The following LTBP3 variants were observed in gnomAD, a reference collection of about 807,000 sequenced individuals.
The protein encoded by LTBP3 is latent transforming growth factor beta binding protein 3, also known as latent-transforming growth factor beta-binding protein 3.
LTBP3 carries 97 observed loss-of-function variants against 159.7 expected under a neutral mutation model. The ratio of observed to expected loss-of-function variants is 0.61; its 90% CI spans 0.52 to 0.72. The LOEUF is 0.72. Ranked by LOEUF, LTBP3 falls within the 30% of genes least tolerant of loss-of-function variation. LTBP3 has a pLI of 0.00. For synonymous variants in LTBP3, 824 were observed against 777.1 expected, an observed-to-expected ratio of 1.06 and a Z score of -1.00; for missense variants, 1,584 against 1,864.3, an observed-to-expected ratio of 0.85 and a Z score of 2.77.
chr11:65,557,935 C>A lies in LTBP3; in HGVS notation c.25G>T (p.Gly9Cys). ...CCGCGCATCTCAGGGGCCAGGCCGC[C>A]AGCAGCCCCTCGGGGCCCGGGCATC... MPGPRGAAGGLAPEMRGAG... is the reference protein window; with the variant it reads MPGPRGAACGLAPEMRGAG... The change falls in exon 1 of 28, where the codon GGC becomes TGC. Residue 9 changes from glycine (G) to cysteine (C), a missense_variant. Gly to Cys is a radical substitution (Grantham distance 159). Transcript: ENST00000301873. 8.2e-7 allele frequency: 1 copy of A among 1,214,706 alleles called. No homozygotes were observed. The allele number at this position is 1,214,706 out of a possible 1,614,324, so 75.2% of individuals were successfully genotyped here. A position where few individuals can be genotyped will look rare whatever the true frequency, so the allele number is the denominator to read the frequency against.
chr11:65,539,106 C>A lies in LTBP3; in HGVS notation c.3886G>T (p.Ala1296Ser), dbSNP rs768130401. 6.8e-7 allele frequency: 1 copy of A among 1,462,816 alleles called. No homozygotes were observed. The highest frequency in any genetic ancestry group is 1.3e-5 in the South Asian group (1 of 78,640). 90.6% of individuals were successfully genotyped at this position (1,462,816 alleles called of 1,614,324 possible). ...CAGCGGCGGCGCTGGGGAACGCAGG[C>A]CCCGTGCGGGCGGCTGCGCGCGAAG... is the stretch of plus-strand genomic sequence containing the variant. ...AGFARSRPHG[A>S]CVPQRRR is the part of the protein sequence containing the mutation. Residue 1296 changes from alanine (A) to serine (S), a missense_variant, in exon 28 of 28, where the codon GCC (alanine) becomes TCC (serine). Physicochemically the swap from Ala to Ser is moderately conservative, Grantham distance 99. Coordinates refer to ENST00000301873, the MANE Select transcript of LTBP3 (RefSeq NM_001130144.3).
chr11:65,540,473 G>A lies in LTBP3; in HGVS notation c.3106+13C>T, dbSNP rs1443402365. On this transcript the variant is annotated intron_variant, in intron 22 of 27. Coordinates refer to ENST00000301873, the MANE Select transcript of LTBP3 (RefSeq NM_001130144.3). Reference sequence around the variant, plus strand: ...CTGCCGCTTCCCCACGGCCGCCGGGGGGCGGAGCTCACCCACGCATTCCAG... The same window carrying A: ...CTGCCGCTTCCCCACGGCCGCCGGGAGGCGGAGCTCACCCACGCATTCCAG... 6.2e-7 allele frequency: 1 copy of A among 1,613,158 alleles called. No homozygotes were observed. Among genetic ancestry groups the A allele is most frequent in the Non-Finnish European group, 8.5e-7 (1 of 1,179,738 alleles).
At position 65,539,830 on chromosome 11, in the gene LTBP3, C is replaced by T. The variant is rs926322628; in HGVS notation, c.3437G>A (p.Gly1146Asp). 3 of 1,527,428 alleles carry T rather than the reference C, an allele frequency of 2.0e-6. No individual in the cohort carries two copies. The African/African-American group carries it at 4.2e-5, about 21-fold the overall frequency. 94.6% of individuals were successfully genotyped at this position (1,527,428 alleles called of 1,614,324 possible). The change falls in exon 25 of 28, where the codon GGC (glycine) becomes GAC (aspartate). Residue 1146 changes from glycine to aspartate, a missense_variant. Coordinates refer to ENST00000301873, the MANE Select transcript of LTBP3 (RefSeq NM_001130144.3). ...CCCGGCCAGGGGGCCAGCGCACATG[C>T]CGTCCTCTCCGCGCTGGCTCCAGCA... ...DVCWSQRGED[G>D]MCAGPLAGPA...
chr11:65,548,355 C>G, intron 11 of LTBP3: 2 of 588,392 alleles, frequency 3.4e-6, no homozygotes, highest in Non-Finnish European at 6.1e-6. Flanking sequence ...CTCAGGGCCC[C>G]TCAGTCGTCC....
rs140563368 is a variant in LTBP3, at chr11:65,542,931, A to AGGATGGATGGATGGAT, written c.2596+158_2596+173dup. The AGGATGGATGGATGGAT allele has an allele frequency of 2.1e-4, 173 of 817,740 alleles. 3 individuals are homozygous for AGGATGGATGGATGGAT. Among genetic ancestry groups the AGGATGGATGGATGGAT allele is most frequent in the African/African-American group, 1.9e-3 (102 of 55,026 alleles). The allele number at this position is 817,740 out of a possible 1,614,324, so 50.7% of individuals were successfully genotyped here. A position where few individuals can be genotyped will look rare whatever the true frequency, so the allele number is the denominator to read the frequency against. ...ATGAATGGAAGGATGGATGGATAGAAGGATGGATGGATGGATGGATGGATG... is the reference window on the plus strand; with the variant it reads ...ATGAATGGAAGGATGGATGGATAGAAGGATGGATGGATGGATGGATGGATGGATGGATGGATGGATG... On this transcript the variant is annotated intron_variant, in intron 18 of 27. Coordinates refer to ENST00000301873, the MANE Select transcript of LTBP3 (RefSeq NM_001130144.3).
At position 65,553,769 on chromosome 11, in the gene LTBP3, A is replaced by AGGGCTTGGGGTGCGG. The variant is rs1856700803; in HGVS notation, c.781_795dup (p.Pro261_Pro265dup). 1 of 1,570,746 alleles carries AGGGCTTGGGGTGCGG rather than the reference A, an allele frequency of 6.4e-7. No individual in the cohort carries two copies. The highest frequency in any genetic ancestry group is 8.6e-7 in the Non-Finnish European group (1 of 1,166,350). ...TTCTGGGTGGGCGGCCGGGGGTGCG[A>AGGGCTTGGGGTGCGG]GGGCTTGGGGTGCGGCAGCAGGTGC... On this transcript the variant is annotated inframe_insertion, in exon 3 of 28. Transcript: ENST00000301873. This position sits in a 1 kb window ranked among gnomAD's most constrained non-coding sequence, Gnocchi z 6.5.
rs1362034320 is a variant in LTBP3, at chr11:65,547,506, G to A, written c.2040C>T (p.Pro680=). 2.5e-6 allele frequency: 4 copies of A among 1,614,002 alleles called. No individual in the cohort carries two copies. Among genetic ancestry groups the A allele is most frequent in the East Asian group, 4.5e-5 (2 of 44,898 alleles). ...GGTAGCAGTTGCACTTGTAGTGACC[G>A]GGAAAGTTGATGCAGAAGCCGCCGT... is the stretch of plus-strand genomic sequence containing the variant. The part of the protein sequence containing the change: ...CGDGGFCINF[P]GHYKCNCYPG... Residue 680 remains proline, a synonymous_variant, in exon 14 of 28, where the codon CCC becomes CCT. Coordinates refer to ENST00000301873, the MANE Select transcript of LTBP3 (RefSeq NM_001130144.3). The surrounding 1 kb of genome is among the most constrained non-coding windows in gnomAD (Gnocchi z 4.6).
At chr11:65,556,625 A>G (rs1416150242) in intron 1 of LTBP3, among the ~76,000 whole-genome samples, 1 of 152,242 alleles carries the variant, frequency 6.6e-6, no homozygotes, top group Non-Finnish European at 1.5e-5. Context: ...ACAGTGTGCC[A>G]CGCCATGCCC....
Position 65,539,072 on chromosome 11 carries a change from C to A in LTBP3, c.*8G>T, listed in dbSNP as rs920262401. The A allele has an allele frequency of 7.3e-7, 1 of 1,374,004 alleles. No individual in the cohort carries two copies. 85.1% of individuals were successfully genotyped at this position (1,374,004 alleles called of 1,614,324 possible). ...CCGAGGTCTGGGCCGAGGGCGGCGT[C>A]GGCGGCGTCAGCGGCGGCGCTGGGG... On this transcript the variant is annotated 3_prime_UTR_variant, in exon 28 of 28. Transcript: ENST00000301873.
chr11:65,557,606 C>T, intron 1 of LTBP3, 23 bp downstream of exon 1: 1 of 1,606,428 alleles, frequency 6.2e-7, no homozygotes, highest in Non-Finnish European at 8.5e-7. Flanking sequence ...TCCCCTGCCC[C>T]CAGCCGTGCC....
rs748855693 is a variant in LTBP3 at position 65,543,142 on chromosome 11, G to A, written c.2559C>T (p.Pro853=). The change falls in exon 18 of 28, where the codon CCC becomes CCT. Residue 853 remains proline, a synonymous_variant. Coordinates refer to ENST00000301873, the MANE Select transcript of LTBP3 (RefSeq NM_001130144.3). ...NTNGSYRCLC[P]QGHRLVGGRK... The stretch of plus-strand genomic sequence containing the variant: ...TGCCACCCACCAGCCGATGCCCCTG[G>A]GGGCAAAGACATCTGTAGGAGCCAT... 5.6e-6 allele frequency: 9 copies of A among 1,614,162 alleles called. No homozygotes were observed. Among genetic ancestry groups the A allele is most frequent in the Middle Eastern group, 1.6e-4 (1 of 6,062 alleles).
chr11:65,556,298 C>A (rs187930953), intron 1 of LTBP3, among the ~76,000 whole-genome samples: 196 of 152,280 alleles, frequency 1.3e-3, no homozygotes, highest in Middle Eastern at 3.4e-3. Context: ...GAGGCCGAGG[C>A]AGGTAGATCA....
At chr11:65,550,684 C>G (rs1050229732) in intron 11 of LTBP3, among the ~76,000 whole-genome samples, 1 of 149,312 alleles carries the variant, frequency 6.7e-6, no homozygotes, top group Non-Finnish European at 1.5e-5. Flanking sequence ...ATTAGCTGGA[C>G]GTGGTGGCGC....
At position 65,557,311 on chromosome 11, in the gene LTBP3, C is replaced by A. The variant is rs1382675357; in HGVS notation, c.331+318G>T. Reference sequence around the variant, plus strand: ...CTTCCTGTCCCCGGCTCACATTCCTCAAAAACCCTGTGTGCTCCTGCTCAG... The same window carrying A: ...CTTCCTGTCCCCGGCTCACATTCCTAAAAAACCCTGTGTGCTCCTGCTCAG... On this transcript the variant is annotated intron_variant, in intron 1 of 27. Transcript: ENST00000301873. Among the ~76,000 whole-genome samples the A allele has an allele frequency of 2.0e-5, 3 of 152,122 alleles. No homozygotes were observed. The East Asian group carries it at 5.8e-4, about 29-fold the overall frequency.
intron 18 of LTBP3, chr11:65,542,120 C>T (rs1856161454): frequency 3.3e-6 from 1 of 298,720 alleles, no homozygotes; most frequent in Non-Finnish European, 6.7e-6. Context: ...CTATGCTTTG[C>T]AATTACTGCT....
In LTBP3 at chr11:65,539,858, C is replaced by T. The variant is rs1394846313; in HGVS notation, c.3409G>A (p.Val1137Met). ...TCCTCTCCGCGCTGGCTCCAGCACA[C>T]GTCGCGCCGCTCCGGGGCACGCTCT... ...PAERAPERRD[V>M]CWSQRGEDGM... Residue 1137 changes from valine to methionine, a missense_variant, in exon 25 of 28, where the codon GTG becomes ATG. Val to Met is a conservative substitution (Grantham distance 21). This residue lies in a region of LTBP3 where 514 missense variants were observed against 530.3 expected (regional missense o/e 0.97). Transcript: ENST00000301873. 2.6e-6 allele frequency: 4 copies of T among 1,517,908 alleles called. No homozygotes were observed. The highest frequency in any genetic ancestry group is 1.8e-4 in the Middle Eastern group (1 of 5,644). 94.0% of individuals were successfully genotyped at this position (1,517,908 alleles called of 1,614,324 possible). A position where few individuals can be genotyped will look rare whatever the true frequency, so the allele number is the denominator to read the frequency against.
chr11:65,551,658 T>G, intron 8 of LTBP3, 94 bp from the exon 9 acceptor site: 2 of 1,503,748 alleles, frequency 1.3e-6, no homozygotes, highest in Non-Finnish European at 1.8e-6. Context: ...TTAGGGTCTC[T>G]GGGAGTTCAA....
Position 65,541,306 on chromosome 11 carries a change from C to CA in LTBP3, c.2726-14_2726-13insT. On this transcript the variant is annotated splice_polypyrimidine_tract_variant and intron_variant, in intron 19 of 27. Coordinates refer to ENST00000301873, the MANE Select transcript of LTBP3 (RefSeq NM_001130144.3). Reference sequence around the variant, plus strand: ...GGCTGCTCCACCTCTGAGGGGCAGACGGCAGCTCAGGGTTGTGCACAGACC... The same window carrying CA: ...GGCTGCTCCACCTCTGAGGGGCAGACAGGCAGCTCAGGGTTGTGCACAGACC... The CA allele has an allele frequency of 6.2e-7, 1 of 1,608,218 alleles. No homozygotes were observed. The highest frequency in any genetic ancestry group is 8.5e-7 in the Non-Finnish European group (1 of 1,179,938).
chr11:65,539,345 G>A lies in LTBP3; in HGVS notation c.3743C>T (p.Ser1248Phe). 1 of 1,527,914 alleles carries A rather than the reference G, an allele frequency of 6.5e-7. No homozygotes were observed. The highest frequency in any genetic ancestry group is 1.2e-5 in the South Asian group (1 of 83,386). The allele number at this position is 1,527,914 out of a possible 1,614,324, so 94.6% of individuals were successfully genotyped here. A position where few individuals can be genotyped will look rare whatever the true frequency, so the allele number is the denominator to read the frequency against. The change falls in exon 27 of 28, where the codon TCC (serine) becomes TTC (phenylalanine). Residue 1248 changes from serine (S) to phenylalanine (F), a missense_variant. Around this residue, in one of 6 missense-constraint regions of LTBP3, gnomAD observed 514 missense variants for 530.3 expected, o/e 0.97. Transcript: ENST00000301873. ...ECPGGFQLDA[S>F]RARCVDIDEC... ...CGGCTCACCCACGCAGCGGGCGCGG[G>A]AGGCGTCGAGCTGGAAGCCGCCGGG...
Sources: allele counts gnomAD v4.1 joint callset (sites outside exome capture counted in the v4.1 genomes callset), GRCh38; gene constraint gnomAD v4.1.1; regional missense constraint gnomAD v4.1.1; non-coding constraint Gnocchi (gnomAD v3.1); transcripts MANE v1.5; gene names NCBI Gene and HGNC (gene_info 2026-07-23, HGNC 2026-07-21).